Variants in NOPCHAP1 observed in about 807,000 individuals in gnomAD.
NOPCHAP1 encodes DNA damage-sensitive RNA 1.
NOPCHAP1 carries 13 observed loss-of-function variants against 14.0 expected under a neutral mutation model. The observed-to-expected ratio is 0.93, with a 90% CI of 0.60 to 1.47. NOPCHAP1 has a LOEUF of 1.47. Among genes scored for constraint, NOPCHAP1 ranks in the 40% most tolerant of loss-of-function variants. The pLI is 0.00. For missense variants in NOPCHAP1, 230 were observed against 226.9 expected (o/e 1.01, Z -0.09); for synonymous variants, 78 against 78.4 (o/e 1.00, Z 0.03).
rs1873510551 is a variant in NOPCHAP1 at position 104,996,815 on chromosome 12, C to A, written c.*2119C>A. 6.6e-6 allele frequency: 1 copy of A among 152,104 alleles called. No homozygotes were observed. The highest frequency in any genetic ancestry group is 1.5e-5 in the Non-Finnish European group (1 of 68,028). The allele number at this position is 152,104 out of a possible 1,614,324, so 9.4% of individuals were successfully genotyped here. On this transcript the variant is annotated 3_prime_UTR_variant, in exon 4 of 4. Coordinates refer to ENST00000552951, the MANE Select transcript of NOPCHAP1 (RefSeq NM_152318.3). ...GCATGTATGTTTAGGATAGTTAGGTCTTATTGAATTAAGCCCTTTATCATT... is the reference window on the plus strand; with the variant it reads ...GCATGTATGTTTAGGATAGTTAGGTATTATTGAATTAAGCCCTTTATCATT...
chr12:104,986,363 A>T lies in NOPCHAP1; in HGVS notation c.11A>T (p.His4Leu), dbSNP rs771638970. 2 of 1,609,490 alleles carry T rather than the reference A, an allele frequency of 1.2e-6. No individual in the cohort carries two copies. The highest frequency in any genetic ancestry group is 2.2e-5 in the East Asian group (1 of 44,674). ...AGGCTTGAGGGAAGCATGGAGGTCCATGGCAAGCCCAAGGCTAGCCCGAGT... is the reference window on the plus strand; with the variant it reads ...AGGCTTGAGGGAAGCATGGAGGTCCTTGGCAAGCCCAAGGCTAGCCCGAGT... The part of the protein sequence containing the change: MEV[H>L]GKPKASPSCS... Residue 4 changes from histidine to leucine, a missense_variant, in exon 1 of 4, where the codon CAT (histidine) becomes CTT (leucine). His to Leu is a moderately conservative substitution (Grantham distance 99, BLOSUM62 -3). Coordinates refer to ENST00000552951, the MANE Select transcript of NOPCHAP1 (RefSeq NM_152318.3).
intron 1 of NOPCHAP1, among the ~76,000 whole-genome samples, chr12:104,986,935 C>G (rs1873253907): frequency 6.6e-6 from 1 of 152,152 alleles, no homozygotes; most frequent in Non-Finnish European, 1.5e-5. Context: ...GGGAGACATG[C>G]ATCCAGGAAA....
chr12:104,990,278 C>T (rs547754399), intron 2 of NOPCHAP1, among the ~76,000 whole-genome samples: 1 of 152,312 alleles, frequency 6.6e-6, no homozygotes, highest in South Asian at 2.1e-4. Flanking sequence ...GATCACAGTT[C>T]AGGCCGCACA....
Position 105,013,340 on chromosome 12 carries a change from C to T in NOPCHAP1, c.*18644C>T, listed in dbSNP as rs937830586. On this transcript the variant is annotated 3_prime_UTR_variant, in exon 4 of 4. Transcript: ENST00000552951. ...TGGACACCCCTTTTCCCACCAAGCTCAAGTGTCCCACGTTGACTTCAGACT... is the reference window on the plus strand; with the variant it reads ...TGGACACCCCTTTTCCCACCAAGCTTAAGTGTCCCACGTTGACTTCAGACT... 6.6e-6 allele frequency: 1 copy of T among 152,254 alleles called. No individual in the cohort carries two copies. The highest frequency in any genetic ancestry group is 1.5e-5 in the Non-Finnish European group (1 of 68,080). 9.4% of individuals were successfully genotyped at this position (152,254 alleles called of 1,614,324 possible).
Position 104,988,117 on chromosome 12 carries a change from T to C in NOPCHAP1, c.116-50T>C, listed in dbSNP as rs769518488. On this transcript the variant is annotated intron_variant, in intron 1 of 3. Transcript: ENST00000552951. Reference sequence around the variant, plus strand: ...TGAGAGGCTTACTGATGGGCCTTTGTTTTTTTATGCTGTAGTAAATTAAGG... The same window carrying C: ...TGAGAGGCTTACTGATGGGCCTTTGCTTTTTTATGCTGTAGTAAATTAAGG... 4 of 1,429,238 alleles carry C rather than the reference T, an allele frequency of 2.8e-6. No homozygotes were observed. The African/African-American group carries it at 5.6e-5, about 20-fold the overall frequency. The allele number at this position is 1,429,238 out of a possible 1,614,324, so 88.5% of individuals were successfully genotyped here. A position where few individuals can be genotyped will look rare whatever the true frequency, so the allele number is the denominator to read the frequency against.
In NOPCHAP1 at chr12:104,994,838, G is replaced by A; in HGVS notation, c.*142G>A. ...AACTTTAGACAAGTTAAATTTGACA[G>A]AGTTTCTTTGGGCAAAGAATGATTA... On this transcript the variant is annotated 3_prime_UTR_variant, in exon 4 of 4. Transcript: ENST00000552951. 1 of 733,800 alleles carries A rather than the reference G, an allele frequency of 1.4e-6. No homozygotes were observed. Among genetic ancestry groups the A allele is most frequent in the Non-Finnish European group, 2.3e-6 (1 of 444,418 alleles). The allele number at this position is 733,800 out of a possible 1,614,324, so 45.5% of individuals were successfully genotyped here. A position where few individuals can be genotyped will look rare whatever the true frequency, so the allele number is the denominator to read the frequency against.
Position 105,011,360 on chromosome 12 carries a change from C to T in NOPCHAP1, c.*16664C>T, listed in dbSNP as rs1248630547. On this transcript the variant is annotated 3_prime_UTR_variant, in exon 4 of 4. Coordinates refer to ENST00000552951, the MANE Select transcript of NOPCHAP1 (RefSeq NM_152318.3). ...TATTCCTCCATCCCTTTATTTTGAG[C>T]CTATGTGTGTCTTTGCACATGAGAT... is the stretch of plus-strand genomic sequence containing the variant. The T allele has an allele frequency of 6.6e-6, 1 of 152,002 alleles. No individual in the cohort carries two copies. Among genetic ancestry groups the T allele is most frequent in the East Asian group, 1.9e-4 (1 of 5,194 alleles). 9.4% of individuals were successfully genotyped at this position (152,002 alleles called of 1,614,324 possible). A position where few individuals can be genotyped will look rare whatever the true frequency, so the allele number is the denominator to read the frequency against.
chr12:104,990,276 T>C (rs2136025812), intron 2 of NOPCHAP1, among the ~76,000 whole-genome samples: 1 of 152,354 alleles, frequency 6.6e-6, no homozygotes, highest in African/African-American at 2.4e-5. Flanking sequence ...AGGATCACAG[T>C]TCAGGCCGCA....
rs1397873019 is a variant in NOPCHAP1, at chr12:104,998,319, A to C, written c.*3623A>C. The C allele has an allele frequency of 6.6e-6, 1 of 152,314 alleles. No individual in the cohort carries two copies. The highest frequency in any genetic ancestry group is 2.4e-5 in the African/African-American group (1 of 41,564). The allele number at this position is 152,314 out of a possible 1,614,324, so 9.4% of individuals were successfully genotyped here. On this transcript the variant is annotated 3_prime_UTR_variant, in exon 4 of 4. Transcript: ENST00000552951. ...GATTCTTTTTTATCTTTGTGGGCTCATGTCGCTGAAGTTGCTATCCTTTGG... is the reference window on the plus strand; with the variant it reads ...GATTCTTTTTTATCTTTGTGGGCTCCTGTCGCTGAAGTTGCTATCCTTTGG...
At position 105,014,182 on chromosome 12, in the gene NOPCHAP1, A is replaced by G. The variant is rs536172600; in HGVS notation, c.*19486A>G. On this transcript the variant is annotated 3_prime_UTR_variant, in exon 4 of 4. Coordinates refer to ENST00000552951, the MANE Select transcript of NOPCHAP1 (RefSeq NM_152318.3). The stretch of plus-strand genomic sequence containing the variant: ...TTATGATTTAATACTGTGTCTTTGC[A>G]TTTGTTTGTATTTCTTTCAACTGCA... The G allele has an allele frequency of 6.6e-6, 1 of 152,284 alleles. No individual in the cohort carries two copies. The highest frequency in any genetic ancestry group is 1.9e-4 in the East Asian group (1 of 5,184). The allele number at this position is 152,284 out of a possible 1,614,324, so 9.4% of individuals were successfully genotyped here.
Position 105,008,599 on chromosome 12 carries a change from G to C in NOPCHAP1, c.*13903G>C, listed in dbSNP as rs183678490. ...TGGTATTGCCTAGGTTTTCTTCTAG[G>C]GTTTTTATGGTTTTAGATCTTACAT... On this transcript the variant is annotated 3_prime_UTR_variant, in exon 4 of 4. Transcript: ENST00000552951. 2.6e-5 allele frequency: 4 copies of C among 152,196 alleles called. No individual in the cohort carries two copies. The highest frequency in any genetic ancestry group is 5.9e-5 in the Non-Finnish European group (4 of 67,996). 9.4% of individuals were successfully genotyped at this position (152,196 alleles called of 1,614,324 possible). A position where few individuals can be genotyped will look rare whatever the true frequency, so the allele number is the denominator to read the frequency against.
At chr12:104,992,875 A>G (rs1157613940) in intron 3 of NOPCHAP1, among the ~76,000 whole-genome samples, 1 of 152,154 alleles carries the variant, frequency 6.6e-6, no homozygotes, top group African/African-American at 2.4e-5. Flanking sequence ...TCCGTGGAAG[A>G]ATTTTCTTCC....
chr12:105,016,198 A>T lies in NOPCHAP1; in HGVS notation c.*21502A>T, dbSNP rs1293784199. The stretch of plus-strand genomic sequence containing the variant: ...TTTAGAAAAAAATGACGGATATCTC[A>T]GTAGTGAAAAGACTATAGGAAATGA... On this transcript the variant is annotated 3_prime_UTR_variant, in exon 4 of 4. Transcript: ENST00000552951. 1 of 152,216 alleles carries T rather than the reference A, an allele frequency of 6.6e-6. No homozygotes were observed. Among genetic ancestry groups the T allele is most frequent in the African/African-American group, 2.4e-5 (1 of 41,460 alleles). The allele number at this position is 152,216 out of a possible 1,614,324, so 9.4% of individuals were successfully genotyped here.
At chr12:104,988,303 G>C in intron 2 of NOPCHAP1, 50 bp downstream of exon 2, 1 of 1,441,210 alleles carries the variant, frequency 6.9e-7, no homozygotes, top group Non-Finnish European at 9.7e-7. Context: ...AGTTTTGTCT[G>C]ATTAAGCTGT....
At chr12:104,987,834 T>C (rs1210911111) in intron 1 of NOPCHAP1, among the ~76,000 whole-genome samples, 8 of 152,334 alleles carry the variant, frequency 5.3e-5, no homozygotes, top group South Asian at 4.1e-4. Flanking sequence ...TTAACCATTG[T>C]TATGCTCTGT....
intron 1 of NOPCHAP1, 31 bp from the exon 2 acceptor site, chr12:104,988,136 A>AC: frequency 6.6e-7 from 1 of 1,523,618 alleles, no homozygotes; most frequent in Non-Finnish European, 9.1e-7. Context: ...GCTGTAGTAA[A>AC]TTAAGGGTGT....
At position 105,005,746 on chromosome 12, in the gene NOPCHAP1, G is replaced by C. The variant is rs1873695206; in HGVS notation, c.*11050G>C. On this transcript the variant is annotated 3_prime_UTR_variant, in exon 4 of 4. Transcript: ENST00000552951. ...ATTGGCCTTAAGTTCCCTGCCTCCA[G>C]GCCCTATTCTCCTGGCTCAGTTTCT... 6.6e-6 allele frequency: 1 copy of C among 152,190 alleles called. No homozygotes were observed. Among genetic ancestry groups the C allele is most frequent in the African/African-American group, 2.4e-5 (1 of 41,440 alleles). 9.4% of individuals were successfully genotyped at this position (152,190 alleles called of 1,614,324 possible).
rs765405252 is a variant in NOPCHAP1, at chr12:104,988,174, G to A, written c.123G>A (p.Trp41Ter). ...TAGSDGRGGIWDRLLINSQPK... is the reference protein window; with the variant it reads ...TAGSDGRGGI ...GTGTGTCTGTATTTTCAGGTATATG[G>A]GACAGGTTGCTCATCAACTCCCAAC... Residue 41 changes from tryptophan (W) to a stop codon, truncating the protein, a stop_gained, in exon 2 of 4, where the codon TGG (tryptophan) becomes TGA (stop). Coordinates refer to ENST00000552951, the MANE Select transcript of NOPCHAP1 (RefSeq NM_152318.3). LOFTEE classifies it high-confidence loss of function. The A allele has an allele frequency of 1.9e-6, 3 of 1,609,974 alleles. No homozygotes were observed. The highest frequency in any genetic ancestry group is 2.5e-6 in the Non-Finnish European group (3 of 1,176,924).
At position 105,001,267 on chromosome 12, in the gene NOPCHAP1, A is replaced by G. The variant is rs1287788330; in HGVS notation, c.*6571A>G. 6.6e-6 allele frequency: 1 copy of G among 152,304 alleles called. No homozygotes were observed. Among genetic ancestry groups the G allele is most frequent in the Non-Finnish European group, 1.5e-5 (1 of 68,020 alleles). The allele number at this position is 152,304 out of a possible 1,614,324, so 9.4% of individuals were successfully genotyped here. The stretch of plus-strand genomic sequence containing the variant: ...GGCCTTCCTACATGATAAAGCTTCT[A>G]TCCGTCTAGAGAACACAAAGACTTT... On this transcript the variant is annotated 3_prime_UTR_variant, in exon 4 of 4. Coordinates refer to ENST00000552951, the MANE Select transcript of NOPCHAP1 (RefSeq NM_152318.3).
Sources: allele counts gnomAD v4.1 joint callset (sites outside exome capture counted in the v4.1 genomes callset), GRCh38; gene constraint gnomAD v4.1.1; transcripts MANE v1.5; gene names NCBI Gene and HGNC (gene_info 2026-07-23, HGNC 2026-07-21).